Variants in EDA observed in about 807,000 individuals in gnomAD.
EDA encodes ectodysplasin-A.
EDA carries 2 observed loss-of-function variants against 23.6 expected under a neutral mutation model. The ratio of observed to expected loss-of-function variants is 0.08; its 90% CI spans 0.03 to 0.27. The LOEUF (loss-of-function observed/expected upper bound fraction) is 0.27, where lower values mean the gene tolerates loss of function less well. EDA is among the 10% of genes least tolerant of loss of function. The pLI is 1.00. For missense variants in EDA, 229 were observed against 324.2 expected (o/e 0.71, Z 2.26); for synonymous variants, 131 against 132.0 (o/e 0.99, Z 0.05).
chrX:69,688,449 G>A (rs766882058), intron 1 of EDA, among the ~76,000 whole-genome samples: 1 of 111,192 alleles, frequency 9.0e-6, no homozygotes, highest in African/African-American at 3.3e-5. Flanking sequence ...CGCCCAGGCT[G>A]GAGTGCAATG....
intron 1 of EDA, among the ~76,000 whole-genome samples, chrX:69,915,460 G>A (rs1291769225): frequency 1.0e-4 from 11 of 110,257 alleles, no homozygotes; most frequent in East Asian, 8.6e-4. Flanking sequence ...AAAATTAGCC[G>A]GGTGTGGTGG....
rs1440675213 is a variant in EDA at position 69,624,108 on chromosome X, T to C, written c.396+7404T>C. ...GTCACAGACATCCTAGAAGAACACA[T>C]GGATGCATATTTTTAGAATCTTACA... On this transcript the variant is annotated intron_variant, in intron 1 of 7. Coordinates refer to ENST00000374552, the MANE Select transcript of EDA (RefSeq NM_001399.5). Among the ~76,000 whole-genome samples the C allele has an allele frequency of 7.2e-5, 8 of 111,885 alleles. No individual in the cohort carries two copies. The Admixed American group carries it at 7.5e-4, about 11-fold the overall frequency.
At chrX:69,890,882 A>G (rs189279996) in intron 1 of EDA, among the ~76,000 whole-genome samples, 1 of 112,134 alleles carries the variant, frequency 8.9e-6, no homozygotes, top group African/African-American at 3.2e-5. Flanking sequence ...AAAGCAAAAA[A>G]TGACACATGG....
chrX:69,926,171 A>G (rs1602539422), intron 1 of EDA, among the ~76,000 whole-genome samples: 1 of 108,067 alleles, frequency 9.3e-6, no homozygotes, highest in East Asian at 2.9e-4. Context: ...TTCTGCTCTG[A>G]TCTTAGTTAT....
At chrX:69,967,161 G>A (rs1035284497) in intron 2 of EDA, among the ~76,000 whole-genome samples, 2 of 110,899 alleles carry the variant, frequency 1.8e-5, no homozygotes, top group Admixed American at 9.7e-5. Flanking sequence ...ATAAAAAGTG[G>A]TTAAAGTGGA....
At chrX:69,719,598 G>A (rs189919401) in intron 1 of EDA, among the ~76,000 whole-genome samples, 4 of 110,681 alleles carry the variant, frequency 3.6e-5, no homozygotes, top group East Asian at 5.7e-4. Flanking sequence ...GAGAACATGC[G>A]GCATTTGTTT....
intron 5 of EDA, 85 bp downstream of exon 5, chrX:70,029,623 C>G (rs2020170688): frequency 3.0e-6 from 3 of 1,008,026 alleles, no homozygotes; most frequent in Admixed American, 4.5e-5. Flanking sequence ...ATTAGATTTC[C>G]TGAGGCTTTA....
At chrX:69,961,025 GA>G (rs869149209) in intron 2 of EDA, among the ~76,000 whole-genome samples, 11 of 84,068 alleles carry the variant, frequency 1.3e-4, no homozygotes, top group African/African-American at 4.9e-4. Context: ...TCCAAAAAAA[GA>G]AAAAAAAAGA....
At chrX:69,855,156 G>A (rs1486199492) in intron 1 of EDA, among the ~76,000 whole-genome samples, 2 of 111,118 alleles carry the variant, frequency 1.8e-5, no homozygotes, top group Non-Finnish European at 3.8e-5. Flanking sequence ...CTTTCATGAA[G>A]TTGGTTGTTT....
At chrX:69,838,192 C>A (rs1312978967) in intron 1 of EDA, among the ~76,000 whole-genome samples, 3 of 112,737 alleles carry the variant, frequency 2.7e-5, no homozygotes. Flanking sequence ...TCCTGCCTTG[C>A]ACTTTGAGTG....
At chrX:69,688,481 A>T (rs1160425460) in intron 1 of EDA, among the ~76,000 whole-genome samples, 1 of 110,785 alleles carries the variant, frequency 9.0e-6, no homozygotes, top group Non-Finnish European at 1.9e-5. Context: ...ACTCACTACA[A>T]CCTCCACCTC....
chrX:69,714,534 T>C (rs1169466125), intron 1 of EDA, among the ~76,000 whole-genome samples: 1 of 111,965 alleles, frequency 8.9e-6, no homozygotes, highest in African/African-American at 3.2e-5. Context: ...TAATTTTACT[T>C]TTATATTTAA....
chrX:69,928,876 G>A (rs2018557870), intron 1 of EDA, among the ~76,000 whole-genome samples: 1 of 111,548 alleles, frequency 9.0e-6, no homozygotes, highest in Admixed American at 9.6e-5. Context: ...AGTTTGGGTA[G>A]CCTACTATCC....
chrX:69,720,863 A>C (rs754958796), intron 1 of EDA, among the ~76,000 whole-genome samples: 1 of 111,660 alleles, frequency 9.0e-6, no homozygotes, highest in African/African-American at 3.3e-5. Context: ...TGTTGATCTT[A>C]GTTGATTGTC....
chrX:69,660,935 T>G (rs1933477667), intron 1 of EDA, among the ~76,000 whole-genome samples: 1 of 111,551 alleles, frequency 9.0e-6, no homozygotes, highest in Non-Finnish European at 1.9e-5. Context: ...TCTTCCACAA[T>G]GGTTGAACTA....
chrX:69,988,842 C>T (rs2019542753), intron 2 of EDA, among the ~76,000 whole-genome samples: 1 of 109,614 alleles, frequency 9.1e-6, no homozygotes, highest in African/African-American at 3.3e-5. Flanking sequence ...GGCAAGAGAG[C>T]GAGACTCCAT....
At chrX:69,896,397 C>G (rs1282648221) in intron 1 of EDA, among the ~76,000 whole-genome samples, 2 of 90,337 alleles carry the variant, frequency 2.2e-5, no homozygotes, top group Non-Finnish European at 4.3e-5. Flanking sequence ...GTATGTGCAT[C>G]AGTGTGTGTG....
chrX:69,889,869 C>T (rs2017896604), intron 1 of EDA, among the ~76,000 whole-genome samples: 1 of 111,563 alleles, frequency 9.0e-6, no homozygotes, highest in Non-Finnish European at 1.9e-5. Context: ...AATCCAAGGT[C>T]ATGAGACTTC....
chrX:69,721,227 T>C (rs776113388), intron 1 of EDA, among the ~76,000 whole-genome samples: 1 of 111,740 alleles, frequency 8.9e-6, no homozygotes, highest in South Asian at 3.7e-4. Flanking sequence ...ATGGTGGGAT[T>C]CTCCACCAGT....
Sources: gnomAD v4.1 joint callset for allele counts (sites outside exome capture counted in the v4.1 genomes callset) on GRCh38, gnomAD v4.1.1 for gene constraint, MANE v1.5 for transcripts, NCBI Gene and HGNC (gene_info 2026-07-23, HGNC 2026-07-21) for gene names.